ZNF680: variants seen among roughly 807,000 people sequenced by gnomAD.
The protein encoded by ZNF680 is hypothetical protein FLJ90430.
ZNF680 carries 6 observed loss-of-function variants against 12.1 expected under a neutral mutation model. That is an observed-to-expected ratio of 0.49 (90% CI 0.27 to 0.98). The LOEUF (loss-of-function observed/expected upper bound fraction) is 0.98, where lower values mean the gene tolerates loss of function less well. ZNF680 is among the 50% of genes least tolerant of loss of function. The probability of loss-of-function intolerance (pLI) is 0.12; values close to 1 mark genes in which losing one functional copy is unlikely to be tolerated. For missense variants in ZNF680, 561 were observed against 616.3 expected (o/e 0.91, Z 0.95); for synonymous variants, 170 against 199.3 (o/e 0.85, Z 1.24).
intron 3 of ZNF680, among the ~76,000 whole-genome samples, chr7:64,528,079 C>T (rs1170337672): frequency 1.3e-5 from 2 of 152,032 alleles, no homozygotes; most frequent in East Asian, 3.9e-4. Flanking sequence ...AGATGCCGAC[C>T]TTACCTGGAG....
At chr7:64,545,744 A>G (rs1291126261) in intron 1 of ZNF680, among the ~76,000 whole-genome samples, 1 of 152,136 alleles carries the variant, frequency 6.6e-6, no homozygotes, top group Non-Finnish European at 1.5e-5. Context: ...TTTTTTTCAG[A>G]ACTTCATGGG....
chr7:64,557,092 T>C (rs1787456380), intron 1 of ZNF680, among the ~76,000 whole-genome samples: 3 of 151,570 alleles, frequency 2.0e-5, no homozygotes, highest in East Asian at 2.0e-4. Flanking sequence ...CTACTAAAAA[T>C]ACAAAAAAAT....
At chr7:64,537,675 C>T (rs1321157696) in intron 3 of ZNF680, among the ~76,000 whole-genome samples, 1 of 152,186 alleles carries the variant, frequency 6.6e-6, no homozygotes, top group Non-Finnish European at 1.5e-5. Flanking sequence ...CGCCTGTAAT[C>T]CCAGCATTTT....
the ZNF680 span, among the ~76,000 whole-genome samples, chr7:64,500,641 T>C: frequency 6.6e-6 from 1 of 152,056 alleles, no homozygotes. Flanking sequence ...GTGGAGGAGA[T>C]GTTGGTCAGA....
At chr7:64,562,195 G>A (rs953363454) in intron 1 of ZNF680, among the ~76,000 whole-genome samples, 2 of 147,082 alleles carry the variant, frequency 1.4e-5, no homozygotes, top group Non-Finnish European at 3.0e-5. Flanking sequence ...TCGTGCCACT[G>A]CACTTCAGCC....
intron 3 of ZNF680, 119 bp downstream of exon 3, chr7:64,543,588 C>T: frequency 2.3e-6 from 2 of 854,116 alleles, no homozygotes; most frequent in Non-Finnish European, 3.7e-6. Context: ...CTGAGCTTCC[C>T]AAAAACTATT....
At chr7:64,533,723 A>G (rs59617471) in intron 3 of ZNF680, among the ~76,000 whole-genome samples, 7,516 of 152,276 alleles carry the variant, frequency 0.049, 471 homozygotes, top group East Asian at 0.33. Flanking sequence ...AAGACTAAGC[A>G]AAAGAATAAA....
At chr7:64,543,045 T>C (rs1451541047) in intron 3 of ZNF680, among the ~76,000 whole-genome samples, 2 of 152,194 alleles carry the variant, frequency 1.3e-5, no homozygotes, top group Non-Finnish European at 2.9e-5. Flanking sequence ...ATTGAAAGCA[T>C]AAATATTGTT....
chr7:64,538,204 G>A (rs1234513907), intron 3 of ZNF680, among the ~76,000 whole-genome samples: 1 of 152,024 alleles, frequency 6.6e-6, no homozygotes, highest in African/African-American at 2.4e-5. Context: ...CATGACATTG[G>A]TATTGGCACC....
At chr7:64,562,887 C>G in intron 1 of ZNF680, 38 bp downstream of exon 1, 1 of 1,613,010 alleles carries the variant, frequency 6.2e-7, no homozygotes. Flanking sequence ...TCCAACCAGC[C>G]CCTCCCCCTC....
Position 64,521,699 on chromosome 7 carries a change from C to G in ZNF680, c.1055G>C (p.Cys352Ser), listed in dbSNP as rs1293809400. 4 of 1,612,488 alleles carry G rather than the reference C, an allele frequency of 2.5e-6. No individual in the cohort carries two copies. The highest frequency in any genetic ancestry group is 3.4e-6 in the Non-Finnish European group (4 of 1,179,756). Residue 352 changes from cysteine (C) to serine (S), a missense_variant, in exon 4 of 4, where the codon TGT (cysteine) becomes TCT (serine). Coordinates refer to ENST00000309683, the MANE Select transcript of ZNF680 (RefSeq NM_178558.5). ...KIHTGEKPYK[C>S]EECGKAFNQF... ...GTTAAAAGCTTTGCCACATTCTTCA[C>G]ATTTGTAGGGTTTCTCTCCAGTATG...
At chr7:64,561,634 T>C (rs1023396611) in intron 1 of ZNF680, among the ~76,000 whole-genome samples, 1 of 152,014 alleles carries the variant, frequency 6.6e-6, no homozygotes, top group Non-Finnish European at 1.5e-5. Flanking sequence ...TAAAATATAG[T>C]ATCAAAAATG....
At chr7:64,557,369 A>G (rs1787475193) in intron 1 of ZNF680, among the ~76,000 whole-genome samples, 1 of 151,562 alleles carries the variant, frequency 6.6e-6, no homozygotes, top group Admixed American at 6.6e-5. Flanking sequence ...AGCCTGACCA[A>G]CATGGTGAAA....
At chr7:64,544,032 A>C (rs779300092) in intron 2 of ZNF680, 26 of 594,450 alleles carry the variant, frequency 4.4e-5, no homozygotes, top group Non-Finnish European at 6.3e-5. Flanking sequence ...TTAAATTTTA[A>C]GGTGTGGGCA....
chr7:64,519,990 GTAATT>G lies in ZNF680; in HGVS notation c.*1166_*1170del, dbSNP rs2116346640. 1 of 151,778 alleles carries G rather than the reference GTAATT, an allele frequency of 6.6e-6. No homozygotes were observed. The highest frequency in any genetic ancestry group is 2.4e-5 in the African/African-American group (1 of 41,510). 9.4% of individuals were successfully genotyped at this position (151,778 alleles called of 1,614,324 possible). On this transcript the variant is annotated 3_prime_UTR_variant, in exon 4 of 4. Transcript: ENST00000309683. ...GTACAATTAGTAAAATGATTCACTA[GTAATT>G]TAATTACATTTAATTTAAAGTAAAA...
Position 64,522,063 on chromosome 7 carries a change from T to C in ZNF680, c.691A>G (p.Ile231Val). Residue 231 changes from isoleucine (I) to valine (V), a missense_variant, in exon 4 of 4, where the codon ATT becomes GTT. Ile to Val is a conservative substitution (Grantham distance 29). Coordinates refer to ENST00000309683, the MANE Select transcript of ZNF680 (RefSeq NM_178558.5). ...TTGTAGGGTTTCTCTCCCATATGAA[T>C]TCCCTTATGTTTAATAAGCTCTGAG... The part of the protein sequence containing the change: ...WFSELIKHKG[I>V]HMGEKPYKCE... The C allele has an allele frequency of 6.2e-7, 1 of 1,612,816 alleles. No individual in the cohort carries two copies. The highest frequency in any genetic ancestry group is 8.5e-7 in the Non-Finnish European group (1 of 1,179,494).
At chr7:64,556,331 A>T (rs1456960824) in intron 1 of ZNF680, among the ~76,000 whole-genome samples, 1 of 152,030 alleles carries the variant, frequency 6.6e-6, no homozygotes, top group African/African-American at 2.4e-5. Flanking sequence ...CTGAATAGCC[A>T]AGGCAATCAC....
chr7:64,502,381 C>T, the ZNF680 span, among the ~76,000 whole-genome samples: 41 of 152,106 alleles, frequency 2.7e-4, no homozygotes, highest in African/African-American at 9.9e-4. Context: ...TTCATTCATA[C>T]AGTTTCAGTA....
chr7:64,506,033 T>G, the ZNF680 span, among the ~76,000 whole-genome samples: 1 of 151,932 alleles, frequency 6.6e-6, no homozygotes, highest in Non-Finnish European at 1.5e-5. Flanking sequence ...GGCAACACAT[T>G]AGTGACCTAA....
Sources: allele counts gnomAD v4.1 joint callset (sites outside exome capture counted in the v4.1 genomes callset), GRCh38; gene constraint gnomAD v4.1.1; transcripts MANE v1.5; gene names NCBI Gene and HGNC (gene_info 2026-07-23, HGNC 2026-07-21).